The following OBSL1 variants were observed in gnomAD, a reference collection of about 807,000 sequenced individuals.
The protein encoded by OBSL1 is obscurin-like protein 1.
Under a neutral mutation model 172.0 loss-of-function variants are expected in OBSL1, and 160 were observed. The observed-to-expected ratio is 0.93, with a 90% CI of 0.82 to 1.06. OBSL1 has a LOEUF of 1.06. OBSL1 is among the 50% of genes least tolerant of loss of function. OBSL1 has a pLI of 0.00. For synonymous variants in OBSL1, 1,200 were observed against 1,196.3 expected, an observed-to-expected ratio of 1.00 and a Z score of -0.06; for missense variants, 2,681 against 2,715.4, an observed-to-expected ratio of 0.99 and a Z score of 0.28.
chr2:219,564,839 G>C (rs1221038882), intron 6 of OBSL1, among the ~76,000 whole-genome samples: 1 of 152,208 alleles, frequency 6.6e-6, no homozygotes, highest in Non-Finnish European at 1.5e-5. Flanking sequence ...ATTTTAGAAG[G>C]CTGAGGCGGG....
chr2:219,550,938 G>A, intron 20 of OBSL1, 96 bp from the exon 21 acceptor site: 1 of 1,556,698 alleles, frequency 6.4e-7, no homozygotes, highest in Non-Finnish European at 8.7e-7. Flanking sequence ...CAAAGAGCTG[G>A]GCCCCCAGGT....
intron 9 of OBSL1, chr2:219,559,022 C>T (rs1362511590): frequency 8.9e-6 from 5 of 560,758 alleles, no homozygotes; most frequent in African/African-American, 5.6e-5. Flanking sequence ...GATGAATGAA[C>T]GAATGGTTCT....
intron 15 of OBSL1, chr2:219,554,218 C>A (rs923034988): frequency 1.8e-6 from 1 of 564,092 alleles, no homozygotes; most frequent in Non-Finnish European, 3.2e-6. Context: ...ACCACAATGG[C>A]AAAGGCATGC....
In OBSL1 at chr2:219,554,464, G is replaced by C. The variant is rs369813243; in HGVS notation, c.4876+10C>G. On this transcript the variant is annotated intron_variant, in intron 15 of 20. Transcript: ENST00000404537. ...GGTCAGCAGGCAGGCTGTGGTCCTG[G>C]AGGCCACACCTCTCACAATGAGTCT... 1 of 1,612,008 alleles carries C rather than the reference G, an allele frequency of 6.2e-7. No homozygotes were observed. Among genetic ancestry groups the C allele is most frequent in the Non-Finnish European group, 8.5e-7 (1 of 1,179,054 alleles).
rs1413434990 is a variant in OBSL1 at position 219,552,972 on chromosome 2, G to A, written c.5042C>T (p.Thr1681Met). Residue 1681 changes from threonine (T) to methionine (M), a missense_variant, in exon 17 of 21, where the codon ACG becomes ATG. Thr to Met is a moderately conservative substitution (Grantham distance 81). Transcript: ENST00000404537. ...GCGTCGCAGCTGGAGAAGGCGGCGC[G>A]TGCCGAGGGCCTGGAGCCGGAGCCG... The part of the protein sequence containing the change: ...SPRLRLQALG[T>M]RRLLQLRRCG... 4 of 1,531,618 alleles carry A rather than the reference G, an allele frequency of 2.6e-6. No homozygotes were observed. The South Asian group carries it at 3.6e-5, about 14-fold the overall frequency. The allele number at this position is 1,531,618 out of a possible 1,614,324, so 94.9% of individuals were successfully genotyped here.
Position 219,570,873 on chromosome 2 carries a change from CG to C in OBSL1, c.359del (p.Ser120CysfsTer28). 2 of 1,387,802 alleles carry C rather than the reference CG, an allele frequency of 1.4e-6. No individual in the cohort carries two copies. Among genetic ancestry groups the C allele is most frequent in the African/African-American group, 3.0e-5 (2 of 67,116 alleles). The allele number at this position is 1,387,802 out of a possible 1,614,324, so 86.0% of individuals were successfully genotyped here. A position where few individuals can be genotyped will look rare whatever the true frequency, so the allele number is the denominator to read the frequency against. On this transcript the variant is annotated frameshift_variant, in exon 1 of 21. Coordinates refer to ENST00000404537, the MANE Select transcript of OBSL1 (RefSeq NM_015311.3). LOFTEE classifies it high-confidence loss of function. Reference sequence around the variant, plus strand: ...CCGGGGCGCCCTCCCCGGACCCCGGCGATGGCAGCGGGCGCTCGGCGGGCTG... The same window carrying C: ...CCGGGGCGCCCTCCCCGGACCCCGGCATGGCAGCGGGCGCTCGGCGGGCTG... ...ELQPAERPLP[S>X]PGSGEGAPVF...
At chr2:219,569,083 A>G (rs1471726540) in intron 1 of OBSL1, 1 of 151,594 alleles carries the variant, frequency 6.6e-6, no homozygotes, top group Non-Finnish European at 1.5e-5. Flanking sequence ...TTCAAAAAAA[A>G]AAAAAGAAAA....
chr2:219,563,226 A>G (rs1696626114), intron 7 of OBSL1, 129 bp downstream of exon 7: 1 of 878,750 alleles, frequency 1.1e-6, no homozygotes, highest in South Asian at 1.9e-5. Context: ...GAAAGGGAGG[A>G]GGTCCGATCT....
chr2:219,547,949 C>T (rs371082431), downstream of OBSL1: 7 of 1,591,030 alleles, frequency 4.4e-6, no homozygotes, highest in South Asian at 1.1e-5. Context: ...CGTGGTGGAG[C>T]GACTCCGGGC....
chr2:219,566,937 C>T lies in OBSL1; in HGVS notation c.2027G>A (p.Gly676Asp). 1.2e-6 allele frequency: 2 copies of T among 1,613,804 alleles called. No homozygotes were observed. Among genetic ancestry groups the T allele is most frequent in the Non-Finnish European group, 1.7e-6 (2 of 1,179,852 alleles). ...ATGCAGGATGAGTCTGTGCTGCAGA[C>T]CCTTCTGCTCTATACGGTACCGCAG... Reference protein sequence around the residue: ...GALRYRIEQKGLQHRLILHAV... With the variant: ...GALRYRIEQKDLQHRLILHAV... The change falls in exon 5 of 21, where the codon GGT becomes GAT. Residue 676 changes from glycine to aspartate, a missense_variant. This residue lies in a region of OBSL1 where 1,765 missense variants were observed against 1,748.3 expected (regional missense o/e 1.01). Transcript: ENST00000404537.
intron 20 of OBSL1, 148 bp from the exon 21 acceptor site, chr2:219,550,990 C>A (rs550875460): frequency 7.3e-6 from 11 of 1,506,436 alleles, no homozygotes; most frequent in Non-Finnish European, 9.7e-6. Flanking sequence ...GCTGTCTTGG[C>A]GGCAGGAAGG....
intron 8 of OBSL1, 67 bp from the exon 9 acceptor site, chr2:219,559,564 G>A: frequency 6.9e-7 from 1 of 1,451,092 alleles, no homozygotes; most frequent in Non-Finnish European, 9.6e-7. Flanking sequence ...CCATTCGGCA[G>A]CATGAAGTCC....
Position 219,552,565 on chromosome 2 carries a change from G to A in OBSL1, c.5279C>T (p.Pro1760Leu). 1 of 1,595,806 alleles carries A rather than the reference G, an allele frequency of 6.3e-7. No homozygotes were observed. The highest frequency in any genetic ancestry group is 1.1e-5 in the South Asian group (1 of 90,006). Residue 1760 changes from proline (P) to leucine (L), a missense_variant, in exon 18 of 21, where the codon CCC (proline) becomes CTC (leucine). Transcript: ENST00000404537. ...CTGTCGGATGCGGACGCGGGCTCCG[G>A]GTCTCAGCGGGCGGCCTCCGAGCTC... ...RWELGGRPLR[P>L]GARVRIRQEG...
Position 219,565,531 on chromosome 2 carries a change from A to G in OBSL1, c.2135-17T>C. 1 of 1,598,514 alleles carries G rather than the reference A, an allele frequency of 6.3e-7. No homozygotes were observed. Among genetic ancestry groups the G allele is most frequent in the Middle Eastern group, 1.7e-4 (1 of 6,050 alleles). On this transcript the variant is annotated splice_polypyrimidine_tract_variant and intron_variant, in intron 5 of 20. Coordinates refer to ENST00000404537, the MANE Select transcript of OBSL1 (RefSeq NM_015311.3). ...CCGGGCTCTCTGTGTGGGGAGAAGT[A>G]CAGATAAGCACCCCTCCCTCCGGTG...
Position 219,550,751 on chromosome 2 carries a change from C to T in OBSL1, c.*84G>A. 6.5e-7 allele frequency: 1 copy of T among 1,540,616 alleles called. No individual in the cohort carries two copies. Among genetic ancestry groups the T allele is most frequent in the Non-Finnish European group, 8.8e-7 (1 of 1,132,332 alleles). ...AATGAGCTGTAGCACTTTTATTGTT[C>T]CTTGTCTCTCTACCCCTGCCCAGGG... On this transcript the variant is annotated 3_prime_UTR_variant, in exon 21 of 21. Transcript: ENST00000404537.
intron 6 of OBSL1, 39 bp from the exon 7 acceptor site, chr2:219,563,666 C>G (rs527902489): frequency 1.1e-5 from 18 of 1,588,352 alleles, no homozygotes; most frequent in Middle Eastern, 1.7e-4. Flanking sequence ...CAGACACCCC[C>G]GCACAATGAG....
chr2:219,558,176 G>A lies in OBSL1; in HGVS notation c.3502+8C>T, dbSNP rs1179819490. Reference sequence around the variant, plus strand: ...CCTCCCTGCCCTGGGTTGGCCAGGAGCACCCACCAGCCAGGATGACATTGA... The same window carrying A: ...CCTCCCTGCCCTGGGTTGGCCAGGAACACCCACCAGCCAGGATGACATTGA... On this transcript the variant is annotated splice_region_variant and intron_variant, in intron 10 of 20. Coordinates refer to ENST00000404537, the MANE Select transcript of OBSL1 (RefSeq NM_015311.3). The A allele has an allele frequency of 1.2e-6, 2 of 1,607,928 alleles. No individual in the cohort carries two copies. Among genetic ancestry groups the A allele is most frequent in the Non-Finnish European group, 1.7e-6 (2 of 1,175,344 alleles).
In OBSL1 at chr2:219,561,738, T is replaced by C. The variant is rs528319245; in HGVS notation, c.2953+664A>G. On this transcript the variant is annotated intron_variant, in intron 8 of 20. Transcript: ENST00000404537. ...GTGTCACTGTACATTTATTTGCATG[T>C]TTATTGGTTTAACACAGGGGTCGCA... The C allele has an allele frequency of 4.7e-6, 3 of 639,890 alleles. No individual in the cohort carries two copies. The East Asian group carries it at 8.2e-5, about 18-fold the overall frequency. 39.6% of individuals were successfully genotyped at this position (639,890 alleles called of 1,614,324 possible).
Position 219,567,338 on chromosome 2 carries a change from C to CG in OBSL1, c.1771dup (p.Arg591ProfsTer11). ...GCCATGTCCGCTGACTGTGCAGATG[C>CG]GGAAGCGGTAGTCACCCTCGGAGGG... On this transcript the variant is annotated frameshift_variant, in exon 4 of 21. Transcript: ENST00000404537. LOFTEE classifies it high-confidence loss of function. The CG allele has an allele frequency of 6.2e-7, 1 of 1,610,558 alleles. No individual in the cohort carries two copies. The highest frequency in any genetic ancestry group is 2.2e-5 in the East Asian group (1 of 44,756).
Sources: gnomAD v4.1 joint callset for allele counts (sites outside exome capture counted in the v4.1 genomes callset) on GRCh38, gnomAD v4.1.1 for gene constraint, gnomAD v4.1.1 regional missense constraint, MANE v1.5 for transcripts, NCBI Gene and HGNC (gene_info 2026-07-23, HGNC 2026-07-21) for gene names.